The following IL1RAPL2 variants were observed in gnomAD, a reference collection of about 807,000 sequenced individuals.
IL1RAPL2 encodes the protein X-linked interleukin-1 receptor accessory protein-like 2.
IL1RAPL2 carries 3 observed loss-of-function variants against 44.1 expected under a neutral mutation model. The observed-to-expected ratio is 0.07, with a 90% CI of 0.03 to 0.18. The LOEUF is 0.18. IL1RAPL2 is among the 10% of genes least tolerant of loss of function. The pLI is 1.00. For missense variants in IL1RAPL2, 391 were observed against 496.4 expected (o/e 0.79, Z 2.02); for synonymous variants, 181 against 178.8 (o/e 1.01, Z -0.10).
intron 2 of IL1RAPL2, among the ~76,000 whole-genome samples, chrX:104,818,018 T>C (rs1195667595): frequency 9.1e-6 from 1 of 110,486 alleles, no homozygotes; most frequent in Non-Finnish European, 1.9e-5. Flanking sequence ...AGTTTTGTTT[T>C]TTGACATGTT....
At chrX:105,386,001 A>G (rs2035474149) in intron 5 of IL1RAPL2, among the ~76,000 whole-genome samples, 1 of 111,549 alleles carries the variant, frequency 9.0e-6, no homozygotes, top group South Asian at 3.7e-4. Flanking sequence ...CCAGGCTAGG[A>G]TGTTTCTTTG....
intron 5 of IL1RAPL2, among the ~76,000 whole-genome samples, chrX:105,348,009 C>T (rs1326993429): frequency 8.9e-6 from 1 of 111,842 alleles, no homozygotes. Flanking sequence ...TAGTTTGACT[C>T]ATTTCATCCA....
chrX:104,923,795 G>A (rs956431947), intron 2 of IL1RAPL2, among the ~76,000 whole-genome samples: 3 of 110,153 alleles, frequency 2.7e-5, no homozygotes, highest in Non-Finnish European at 5.7e-5. Flanking sequence ...ACAAAACTTC[G>A]CATGTCAATA....
At chrX:104,829,935 CTG>C (rs1446781964) in intron 2 of IL1RAPL2, among the ~76,000 whole-genome samples, 1 of 111,924 alleles carries the variant, frequency 8.9e-6, no homozygotes, top group African/African-American at 3.2e-5. Flanking sequence ...GATGGAAAAA[CTG>C]AACCTCACAC....
In IL1RAPL2 at chrX:104,860,568, A is replaced by G. The variant is rs1016383826; in HGVS notation, c.82+201573A>G. Among the ~76,000 whole-genome samples the G allele has an allele frequency of 3.6e-5, 4 of 111,202 alleles. No homozygotes were observed. The East Asian group carries it at 1.1e-3, about 31-fold the overall frequency. On this transcript the variant is annotated intron_variant, in intron 2 of 10. Transcript: ENST00000372582. Reference sequence around the variant, plus strand: ...AAGTATCCCTTATCTGAAGTGCTTGAGGTCAGAAGTGTAGATTTTTTTTTA... The same window carrying G: ...AAGTATCCCTTATCTGAAGTGCTTGGGGTCAGAAGTGTAGATTTTTTTTTA...
chrX:105,566,251 T>C (rs763657093), intron 6 of IL1RAPL2, among the ~76,000 whole-genome samples: 3 of 111,041 alleles, frequency 2.7e-5, no homozygotes, highest in African/African-American at 9.8e-5. Context: ...AGACAGTGTG[T>C]GTGAGAGAGA....
Position 105,380,695 on chromosome X carries a change from T to C in IL1RAPL2, c.698-103618T>C, listed in dbSNP as rs1259745256. 5.4e-5 allele frequency among the ~76,000 whole-genome samples: 6 copies of C among 112,000 alleles called. No homozygotes were observed. In the South Asian group the frequency reaches 2.2e-3, roughly 42 times the overall value. On this transcript the variant is annotated intron_variant, in intron 5 of 10. Coordinates refer to ENST00000372582, the MANE Select transcript of IL1RAPL2 (RefSeq NM_017416.2). ...AGGTCTGATTTTAATATTGACTTTT[T>C]CTAGTGAAAGAGAGAAAACACTGTT...
intron 2 of IL1RAPL2, among the ~76,000 whole-genome samples, chrX:105,137,744 T>C (rs2033089483): frequency 8.9e-6 from 1 of 111,912 alleles, no homozygotes; most frequent in Non-Finnish European, 1.9e-5. Context: ...TCATTTCCTA[T>C]GTGAAACTAG....
chrX:105,077,493 A>C (rs1032622733), intron 2 of IL1RAPL2, among the ~76,000 whole-genome samples: 36 of 110,787 alleles, frequency 3.2e-4, no homozygotes, highest in African/African-American at 1.1e-3. Flanking sequence ...CCTTCATTTC[A>C]ACTTTGGTGA....
intron 2 of IL1RAPL2, among the ~76,000 whole-genome samples, chrX:104,726,482 T>C (rs1931795753): frequency 8.9e-6 from 1 of 111,836 alleles, no homozygotes; most frequent in Non-Finnish European, 1.9e-5. Context: ...AGTATGGCCA[T>C]TTTCACAATA....
chrX:105,009,093 G>A (rs1229010079), intron 2 of IL1RAPL2, among the ~76,000 whole-genome samples: 2 of 111,578 alleles, frequency 1.8e-5, no homozygotes, highest in Non-Finnish European at 3.8e-5. Flanking sequence ...AAAAAGTCAG[G>A]AAACAACAGG....
intron 2 of IL1RAPL2, among the ~76,000 whole-genome samples, chrX:105,163,835 A>G: frequency 9.0e-6 from 1 of 110,826 alleles, no homozygotes; most frequent in African/African-American, 3.3e-5. Context: ...TTTCCTATGT[A>G]AACTTGTCTG....
intron 5 of IL1RAPL2, among the ~76,000 whole-genome samples, chrX:105,422,943 G>C (rs1340467509): frequency 9.0e-6 from 1 of 111,135 alleles, no homozygotes; most frequent in African/African-American, 3.3e-5. Flanking sequence ...ACAATTGTCT[G>C]CAGATGACAA....
intron 5 of IL1RAPL2, among the ~76,000 whole-genome samples, chrX:105,343,601 A>G (rs1181804742): frequency 8.9e-6 from 1 of 112,081 alleles, no homozygotes; most frequent in South Asian, 3.7e-4. Context: ...GTAAATAACT[A>G]TTTGGTGGCA....
chrX:104,719,283 T>C (rs958956145), intron 2 of IL1RAPL2, among the ~76,000 whole-genome samples: 3 of 112,099 alleles, frequency 2.7e-5, no homozygotes, highest in African/African-American at 9.7e-5. Flanking sequence ...CATATAAATG[T>C]ATTGGTTCAT....
At chrX:105,035,230 G>T (rs1047447460) in intron 2 of IL1RAPL2, among the ~76,000 whole-genome samples, 1 of 111,422 alleles carries the variant, frequency 9.0e-6, no homozygotes, top group Admixed American at 9.5e-5. Flanking sequence ...GCTCACGCAC[G>T]GTGCACTGCA....
intron 2 of IL1RAPL2, among the ~76,000 whole-genome samples, chrX:105,014,389 G>A (rs770405995): frequency 8.7e-4 from 96 of 110,681 alleles, no homozygotes; most frequent in Non-Finnish European, 1.7e-3. Flanking sequence ...AGGTATACAT[G>A]TGCCATGGTG....
At chrX:105,235,807 C>A (rs1301713488) in intron 4 of IL1RAPL2, among the ~76,000 whole-genome samples, 1 of 112,159 alleles carries the variant, frequency 8.9e-6, no homozygotes, top group East Asian at 2.8e-4. Flanking sequence ...AATCTCAGTG[C>A]AACTCTGTGT....
intron 5 of IL1RAPL2, among the ~76,000 whole-genome samples, chrX:105,475,294 C>T (rs1288073453): frequency 9.0e-6 from 1 of 110,845 alleles, no homozygotes; most frequent in Non-Finnish European, 1.9e-5. Context: ...TCAAAATAGC[C>T]AGATGAATTA....
Sources: allele counts gnomAD v4.1 joint callset (sites outside exome capture counted in the v4.1 genomes callset), GRCh38; gene constraint gnomAD v4.1.1; transcripts MANE v1.5; gene names NCBI Gene and HGNC (gene_info 2026-07-23, HGNC 2026-07-21).